HSPG2: variants seen among roughly 807,000 people sequenced by gnomAD.
HSPG2 encodes the protein heparan sulfate proteoglycan 2.
Under a neutral mutation model 526.6 loss-of-function variants are expected in HSPG2, and 278 were observed. The ratio of observed to expected loss-of-function variants is 0.53; its 90% CI spans 0.48 to 0.58. The LOEUF (loss-of-function observed/expected upper bound fraction) is 0.58, where lower values mean the gene tolerates loss of function less well. HSPG2 is among the 20% of genes least tolerant of loss of function. The pLI is 0.00. For missense variants in HSPG2, 5,354 were observed against 6,099.5 expected (o/e 0.88, Z 4.07); for synonymous variants, 2,465 against 2,555.4 (o/e 0.96, Z 1.07).
rs61268629 is a variant in HSPG2, at chr1:21,865,893, C to T, written c.4222-84G>A. ...TATAGGTGAGGGATGGAGCATCTGG[C>T]GGCCTTTTTGCACCTGTGCCACACT... On this transcript the variant is annotated intron_variant, in intron 33 of 96. Transcript: ENST00000374695. This position sits in a 1 kb window ranked among gnomAD's most constrained non-coding sequence, Gnocchi z 5.4. 4.5e-3 allele frequency: 5,015 copies of T among 1,118,370 alleles called. 175 individuals carry two copies. In the African/African-American group the frequency reaches 0.068, roughly 15 times the overall value. 69.3% of individuals were successfully genotyped at this position (1,118,370 alleles called of 1,614,324 possible).
Position 21,824,906 on chromosome 1 carries a change from G to A in HSPG2, c.12590-127C>T, listed in dbSNP as rs1557665484. 4.8e-6 allele frequency: 4 copies of A among 836,534 alleles called. No homozygotes were observed. The highest frequency in any genetic ancestry group is 2.0e-5 in the Admixed American group (1 of 49,750). The allele number at this position is 836,534 out of a possible 1,614,324, so 51.8% of individuals were successfully genotyped here. Reference sequence around the variant, plus strand: ...GGGGCTCCGAGCCTGCAGTCCCTGGGGACCCACGGGGGCTGCCAACAGAAT... The same window carrying A: ...GGGGCTCCGAGCCTGCAGTCCCTGGAGACCCACGGGGGCTGCCAACAGAAT... On this transcript the variant is annotated intron_variant, in intron 91 of 96. Transcript: ENST00000374695. This position sits in a 1 kb window ranked among gnomAD's most constrained non-coding sequence, Gnocchi z 5.9.
At chr1:21,835,163 G>C in intron 76 of HSPG2, 2 of 650,776 alleles carry the variant, frequency 3.1e-6, no homozygotes, top group Admixed American at 2.3e-5. Context: ...TTAGACAAAG[G>C]GTCTTGGTTG....
intron 80 of HSPG2, 157 bp from the exon 81 acceptor site, chr1:21,832,763 A>C (rs2152694236): frequency 1.4e-4 from 85 of 628,674 alleles, no homozygotes; most frequent in East Asian, 3.0e-4. Flanking sequence ...TCACTATCTC[A>C]GGGCTGGTGC....
At chr1:21,892,175 G>A (rs568701734) in intron 3 of HSPG2, among the ~76,000 whole-genome samples, 2 of 152,344 alleles carry the variant, frequency 1.3e-5, no homozygotes, top group African/African-American at 2.4e-5. Flanking sequence ...AAGCCCTGGC[G>A]CTGCCTGCCC....
chr1:21,937,127 C>A, intron 1 of HSPG2, 28 bp downstream of exon 1: 1 of 256,112 alleles, frequency 3.9e-6, no homozygotes, highest in Non-Finnish European at 6.5e-6. Context: ...CCGCCCCCGC[C>A]CCCCGCCCCT....
intron 95 of HSPG2, 99 bp from the exon 96 acceptor site, chr1:21,823,818 A>T: frequency 2.2e-6 from 2 of 929,886 alleles, no homozygotes; most frequent in Non-Finnish European, 3.5e-6. Flanking sequence ...CTCCAGACTC[A>T]GAAGTCTGTC....
intron 1 of HSPG2, 147 bp from the exon 2 acceptor site, chr1:21,896,457 G>GA: frequency 1.0e-6 from 1 of 984,194 alleles, no homozygotes; most frequent in Admixed American, 1.9e-5. Flanking sequence ...AGTGAGCCAG[G>GA]CTGGGGCTGA....
At chr1:21,850,229 G>A (rs553968067) in intron 56 of HSPG2, 37 bp from the exon 57 acceptor site, 72 of 1,612,984 alleles carry the variant, frequency 4.5e-5, no homozygotes, top group Admixed American at 3.2e-4. Context: ...AGCCGGCTAG[G>A]AGGTGAGATG....
chr1:21,884,461 T>G, intron 13 of HSPG2, 67 bp downstream of exon 13: 1 of 1,600,836 alleles, frequency 6.2e-7, no homozygotes, highest in Non-Finnish European at 8.5e-7. Flanking sequence ...ATCTATCCTC[T>G]GTGCCCCCTG....
Position 21,824,669 on chromosome 1 carries a change from A to G in HSPG2, c.12665+35T>C, listed in dbSNP as rs555688147. On this transcript the variant is annotated intron_variant, in intron 92 of 96. Transcript: ENST00000374695. This position sits in a 1 kb window ranked among gnomAD's most constrained non-coding sequence, Gnocchi z 5.9. ...GAAGTCCCAGATTCCCATCCTCCCC[A>G]TTAGGCCCATGGGCCCTTCCAATGC... 1 of 1,613,102 alleles carries G rather than the reference A, an allele frequency of 6.2e-7. No individual in the cohort carries two copies. Among genetic ancestry groups the G allele is most frequent in the African/African-American group, 1.3e-5 (1 of 74,888 alleles).
Position 21,904,417 on chromosome 1 carries a change from G to A in HSPG2, c.64-8107C>T, listed in dbSNP as rs1461066794. ...CTGGTGCAGCGGGACACGCGTGTGAGTGGCAGAGGAGTCAAAGGGCGGCAC... is the reference window on the plus strand; with the variant it reads ...CTGGTGCAGCGGGACACGCGTGTGAATGGCAGAGGAGTCAAAGGGCGGCAC... On this transcript the variant is annotated intron_variant, in intron 1 of 96. Coordinates refer to ENST00000374695, the MANE Select transcript of HSPG2 (RefSeq NM_005529.7). The surrounding 1 kb of genome is among the most constrained non-coding windows in gnomAD (Gnocchi z 4.4). Among the ~76,000 whole-genome samples the A allele has an allele frequency of 6.6e-6, 1 of 152,196 alleles. No individual in the cohort carries two copies. Among genetic ancestry groups the A allele is most frequent in the Non-Finnish European group, 1.5e-5 (1 of 68,032 alleles).
rs2152752556 is a variant in HSPG2, at chr1:21,879,185, A to G, written c.2344-64T>C. 1.9e-6 allele frequency: 3 copies of G among 1,601,354 alleles called. No homozygotes were observed. The South Asian group carries it at 3.3e-5, about 18-fold the overall frequency. ...AGAACTGGGCCAGATGCTGCGGGGG[A>G]CCTTGGAGGCTGTCTAGCTCAGCCT... On this transcript the variant is annotated intron_variant, in intron 17 of 96. Coordinates refer to ENST00000374695, the MANE Select transcript of HSPG2 (RefSeq NM_005529.7).
intron 9 of HSPG2, 56 bp from the exon 10 acceptor site, chr1:21,885,507 AT>A (rs1641827866): frequency 6.2e-6 from 10 of 1,603,352 alleles, no homozygotes; most frequent in Non-Finnish European, 6.0e-6. Context: ...CTCCCTGGGC[AT>A]CCCCAGGGCC....
rs376502620 is a variant in HSPG2, at chr1:21,864,437, G to A, written c.4627-224C>T. Among the ~76,000 whole-genome samples, 3 of 152,298 alleles carry A rather than the reference G, an allele frequency of 2.0e-5. No homozygotes were observed. The highest frequency in any genetic ancestry group is 6.5e-5 in the Admixed American group (1 of 15,288). On this transcript the variant is annotated intron_variant, in intron 36 of 96. Coordinates refer to ENST00000374695, the MANE Select transcript of HSPG2 (RefSeq NM_005529.7). The surrounding 1 kb of genome is among the most constrained non-coding windows in gnomAD (Gnocchi z 4.8). ...GCATCTCTATGCTGTGCTTTGGGCC[G>A]GAGTAATCTGTGTTTCTGAATTGGC...
At position 21,880,658 on chromosome 1, in the gene HSPG2, C is replaced by G. The variant is rs2152754456; in HGVS notation, c.1996G>C (p.Glu666Gln). The change falls in exon 15 of 97, where the codon GAG (glutamate) becomes CAG (glutamine). Residue 666 changes from glutamate (E) to glutamine (Q), a missense_variant and splice_region_variant. Coordinates refer to ENST00000374695, the MANE Select transcript of HSPG2 (RefSeq NM_005529.7). ...CTAAGGGCTCAGGCGCCACCCACCTCAGAGAACTGGACCTGGCGCTGGTTC... is the reference window on the plus strand; with the variant it reads ...CTAAGGGCTCAGGCGCCACCCACCTGAGAGAACTGGACCTGGCGCTGGTTC... ...ALNQRQVQFSEEHWVHESGRP... is the reference protein window; with the variant it reads ...ALNQRQVQFSQEHWVHESGRP... The G allele has an allele frequency of 6.3e-7, 1 of 1,593,438 alleles. No individual in the cohort carries two copies. The highest frequency in any genetic ancestry group is 1.3e-5 in the African/African-American group (1 of 74,712).
At chr1:21,924,798 G>A (rs565819678) in intron 1 of HSPG2, among the ~76,000 whole-genome samples, 1 of 152,298 alleles carries the variant, frequency 6.6e-6, no homozygotes, top group South Asian at 2.1e-4. Context: ...TGTGGACAAT[G>A]TGAGTCCAGG....
In HSPG2 at chr1:21,844,259, G is replaced by A. The variant is rs925898927; in HGVS notation, c.8505C>T (p.Ser2835=). ...GAPPIRIEPS[S]SRVAEGQTLD... ...GGGTCTGCCCTTCTGCCACTCGGGA[G>A]GAGGAGGGCTCGATGCGGATGGGTG... Residue 2835 remains serine (S), a synonymous_variant, in exon 65 of 97, where the codon TCC becomes TCT. Transcript: ENST00000374695. The A allele has an allele frequency of 1.4e-5, 23 of 1,613,632 alleles. No homozygotes were observed. The highest frequency in any genetic ancestry group is 1.5e-5 in the Non-Finnish European group (18 of 1,180,024).
intron 1 of HSPG2, among the ~76,000 whole-genome samples, chr1:21,931,089 GA>G (rs1220430600): frequency 6.6e-6 from 1 of 152,188 alleles, no homozygotes; most frequent in Admixed American, 6.5e-5. Context: ...TCATGGAAGG[GA>G]AGGGAGAGTG....
At chr1:21,874,099 G>A (rs1640866369) in intron 28 of HSPG2, 88 bp from the exon 29 acceptor site, 1 of 1,188,388 alleles carries the variant, frequency 8.4e-7, no homozygotes, top group Non-Finnish European at 1.2e-6. Flanking sequence ...AGAGGGGAGG[G>A]GAAGAACAGG....
Sources: gnomAD v4.1 joint callset for allele counts (sites outside exome capture counted in the v4.1 genomes callset) on GRCh38, gnomAD v4.1.1 for gene constraint, Gnocchi (gnomAD v3.1) non-coding constraint, MANE v1.5 for transcripts, NCBI Gene and HGNC (gene_info 2026-07-23, HGNC 2026-07-21) for gene names.